The following ARHGEF26 variants were observed in gnomAD, a reference collection of about 807,000 sequenced individuals.
ARHGEF26 encodes Rho guanine nucleotide exchange factor (GEF) 26.
ARHGEF26 carries 59 observed loss-of-function variants against 89.4 expected under a neutral mutation model. That is an observed-to-expected ratio of 0.66 (90% CI 0.54 to 0.82). The LOEUF is 0.82. ARHGEF26 is among the 40% of genes least tolerant of loss of function. ARHGEF26 has a pLI of 0.00. For synonymous variants in ARHGEF26, 500 were observed against 428.4 expected, an observed-to-expected ratio of 1.17 and a Z score of -2.06; for missense variants, 1,234 against 1,085.6, an observed-to-expected ratio of 1.14 and a Z score of -1.92.
intron 11 of ARHGEF26, among the ~76,000 whole-genome samples, chr3:154,231,112 C>G (rs1716800686): frequency 6.6e-6 from 1 of 152,172 alleles, no homozygotes; most frequent in African/African-American, 2.4e-5. Context: ...ATTGCAAGCT[C>G]CTTTGTTCCT....
chr3:154,245,751 ACTT>A (rs1278471325), intron 12 of ARHGEF26, among the ~76,000 whole-genome samples: 1 of 152,120 alleles, frequency 6.6e-6, no homozygotes, highest in East Asian at 1.9e-4. Flanking sequence ...CCTTTACAGA[ACTT>A]CTCAAGAGAG....
intron 9 of ARHGEF26, among the ~76,000 whole-genome samples, chr3:154,207,814 C>G (rs1302333560): frequency 6.6e-6 from 1 of 152,114 alleles, no homozygotes; most frequent in Non-Finnish European, 1.5e-5. Context: ...CATTGCAGCA[C>G]TACTTACAAT....
chr3:154,165,315 CACT>C (rs1711946809), intron 6 of ARHGEF26, among the ~76,000 whole-genome samples: 1 of 151,754 alleles, frequency 6.6e-6, no homozygotes, highest in Non-Finnish European at 1.5e-5. Context: ...ATTATTTTAC[CACT>C]GTTTTAATAA....
chr3:154,142,881 A>G lies in ARHGEF26; in HGVS notation c.1270-6508A>G, dbSNP rs79828428. ...CATCACTCATTTTCAGCACTGCCTC[A>G]TAAGCTATTGCTCAGTTTGGACTTG... On this transcript the variant is annotated intron_variant, in intron 4 of 14. Transcript: ENST00000465093. Among the ~76,000 whole-genome samples, 1,001 of 152,290 alleles carry G rather than the reference A, an allele frequency of 6.6e-3. 9 individuals are homozygous for G. The highest frequency in any genetic ancestry group is 0.023 in the African/African-American group (956 of 41,578).
At chr3:154,125,905 A>G (rs1407177321) in intron 3 of ARHGEF26, among the ~76,000 whole-genome samples, 1 of 152,152 alleles carries the variant, frequency 6.6e-6, no homozygotes, top group Non-Finnish European at 1.5e-5. Flanking sequence ...AGAGCCAGGC[A>G]GACCTGGGTT....
At chr3:154,207,181 G>A (rs1301542948) in intron 9 of ARHGEF26, among the ~76,000 whole-genome samples, 1 of 152,092 alleles carries the variant, frequency 6.6e-6, no homozygotes, top group South Asian at 2.1e-4. Context: ...ATACCATTCG[G>A]GACATAGGCA....
chr3:154,121,620 C>T (rs748238062), intron 1 of ARHGEF26, 101 bp downstream of exon 1: 1 of 221,044 alleles, frequency 4.5e-6, no homozygotes, highest in Non-Finnish European at 8.9e-6. Context: ...GGCGAGTTTC[C>T]CAAGAAAGCT....
chr3:154,198,709 G>C (rs1054063777), intron 9 of ARHGEF26, among the ~76,000 whole-genome samples: 5 of 151,982 alleles, frequency 3.3e-5, no homozygotes, highest in Non-Finnish European at 7.4e-5. Context: ...TGATATTATG[G>C]ACTATGGGGA....
rs1718093610 is a variant in ARHGEF26, at chr3:154,123,043, A to G, written c.1051A>G (p.Lys351Glu). Residue 351 changes from lysine (K) to glutamate (E), a missense_variant, in exon 2 of 15, where the codon AAG (lysine) becomes GAG (glutamate). Transcript: ENST00000465093. ...QPVLKVVMED[K>E]EKFSSLGRIK... ...TGTTCTGAAAGTGGTGATGGAAGAC[A>G]AGGAGAAGTTTTCCAGTCTGGGAAG... 11 of 1,613,866 alleles carry G rather than the reference A, an allele frequency of 6.8e-6. No individual in the cohort carries two copies. The African/African-American group carries it at 9.3e-5, about 14-fold the overall frequency.
intron 2 of ARHGEF26, among the ~76,000 whole-genome samples, chr3:154,123,320 A>AT (rs1718115318): frequency 6.6e-6 from 1 of 152,194 alleles, no homozygotes; most frequent in Non-Finnish European, 1.5e-5. Flanking sequence ...CTCAGGCAGA[A>AT]TTGGGGGGGA....
intron 11 of ARHGEF26, among the ~76,000 whole-genome samples, chr3:154,233,604 A>T (rs1716939279): frequency 6.6e-6 from 1 of 152,256 alleles, no homozygotes; most frequent in Admixed American, 6.5e-5. Context: ...AATGCACGAC[A>T]GTCTAGAAGA....
At chr3:154,201,654 C>T (rs1714648266) in intron 9 of ARHGEF26, among the ~76,000 whole-genome samples, 1 of 149,808 alleles carries the variant, frequency 6.7e-6, no homozygotes, top group Non-Finnish European at 1.5e-5. Flanking sequence ...TCCACATCCT[C>T]TCCAGCACCT....
chr3:154,208,150 A>G (rs757145878), intron 9 of ARHGEF26, among the ~76,000 whole-genome samples: 6 of 152,216 alleles, frequency 3.9e-5, no homozygotes, highest in Non-Finnish European at 7.3e-5. Context: ...GATTCTGGGC[A>G]ATACTTGGGT....
At chr3:154,163,971 C>T (rs1365360721) in intron 6 of ARHGEF26, among the ~76,000 whole-genome samples, 1 of 152,066 alleles carries the variant, frequency 6.6e-6, no homozygotes, top group Non-Finnish European at 1.5e-5. Flanking sequence ...ATACACTACC[C>T]TCCTTAAACT....
chr3:154,208,738 G>A (rs1052766151), intron 9 of ARHGEF26, among the ~76,000 whole-genome samples: 1 of 148,222 alleles, frequency 6.7e-6, no homozygotes, highest in Non-Finnish European at 1.5e-5. Context: ...AAGGACTCTG[G>A]TGCAGTATTC....
chr3:154,222,347 G>GGAAA (rs1716184925), intron 10 of ARHGEF26, among the ~76,000 whole-genome samples: 2 of 152,198 alleles, frequency 1.3e-5, no homozygotes, highest in South Asian at 4.1e-4. Context: ...GAGAGGAGAT[G>GGAAA]GAAAGCATCC....
intron 5 of ARHGEF26, among the ~76,000 whole-genome samples, chr3:154,149,709 A>C (rs1719902951): frequency 6.6e-6 from 1 of 152,170 alleles, no homozygotes; most frequent in African/African-American, 2.4e-5. Context: ...AACTGAGAGA[A>C]ATATGATAAA....
chr3:154,221,339 T>A (rs1008569642), intron 10 of ARHGEF26, among the ~76,000 whole-genome samples: 1 of 152,220 alleles, frequency 6.6e-6, no homozygotes, highest in Non-Finnish European at 1.5e-5. Context: ...CCCCATTTTA[T>A]TGATGGAATT....
intron 10 of ARHGEF26, among the ~76,000 whole-genome samples, chr3:154,219,545 A>G (rs961843509): frequency 6.6e-6 from 1 of 151,508 alleles, no homozygotes; most frequent in South Asian, 2.1e-4. Context: ...CATTGAGTTG[A>G]TATCTCACCA....
Sources: allele counts gnomAD v4.1 joint callset (sites outside exome capture counted in the v4.1 genomes callset), GRCh38; gene constraint gnomAD v4.1.1; transcripts MANE v1.5; gene names NCBI Gene and HGNC (gene_info 2026-07-23, HGNC 2026-07-21).